Variants in C12orf50 observed in about 807,000 individuals in gnomAD.
C12orf50 encodes the protein zinc finger CCCH-type containing 11D.
Under a neutral mutation model 61.6 loss-of-function variants are expected in C12orf50, and 35 were observed. The ratio of observed to expected loss-of-function variants is 0.57; its 90% CI spans 0.43 to 0.75. The LOEUF (loss-of-function observed/expected upper bound fraction) is 0.75, where lower values mean the gene tolerates loss of function less well. C12orf50 is among the 30% of genes least tolerant of loss of function. The pLI is 0.00. For missense variants in C12orf50, 475 were observed against 488.5 expected, an observed-to-expected ratio of 0.97 and a Z score of 0.26; for synonymous variants, 178 against 161.5, an observed-to-expected ratio of 1.10 and a Z score of -0.77.
intron 10 of C12orf50, 37 bp from the exon 11 acceptor site, chr12:87,986,090 A>G: frequency 6.3e-7 from 1 of 1,596,286 alleles, no homozygotes; most frequent in African/African-American, 1.3e-5. Flanking sequence ...GGAATAAAAC[A>G]GGCTGGTTTC....
chr12:88,007,002 T>G (rs1282855335), intron 3 of C12orf50, among the ~76,000 whole-genome samples: 1 of 152,218 alleles, frequency 6.6e-6, no homozygotes, highest in East Asian at 1.9e-4. Context: ...TTCTTAACAC[T>G]TGGAAACATT....
intron 3 of C12orf50, among the ~76,000 whole-genome samples, chr12:88,023,975 C>T (rs376241728): frequency 4.9e-4 from 74 of 152,218 alleles, no homozygotes; most frequent in African/African-American, 1.7e-3. Flanking sequence ...GGGAAAAGCA[C>T]GTGAACGCTT....
chr12:87,984,295 T>A (rs771813239), intron 11 of C12orf50: 10 of 152,220 alleles, frequency 6.6e-5, no homozygotes, highest in Non-Finnish European at 1.3e-4. Context: ...TATTAGCCCT[T>A]TGTCAGATGA....
intron 3 of C12orf50, among the ~76,000 whole-genome samples, chr12:88,019,315 G>A (rs549435079): frequency 2.0e-5 from 3 of 152,140 alleles, no homozygotes; most frequent in South Asian, 4.1e-4. Flanking sequence ...CATGTAAGAC[G>A]TGACTTTCTC....
At chr12:88,026,892 T>G (rs1263765446) in intron 2 of C12orf50, 59 bp downstream of exon 2, 1 of 1,573,800 alleles carries the variant, frequency 6.4e-7, no homozygotes, top group African/African-American at 1.4e-5. Context: ...AAAAGTATAA[T>G]TCAGCATTAT....
intron 3 of C12orf50, among the ~76,000 whole-genome samples, chr12:88,024,720 A>C (rs954576235): frequency 1.3e-5 from 2 of 152,182 alleles, no homozygotes; most frequent in Admixed American, 6.5e-5. Context: ...TCTCCATGAC[A>C]CACAGTTTAC....
chr12:88,000,345 T>A (rs1390074114), intron 3 of C12orf50, among the ~76,000 whole-genome samples: 1 of 152,142 alleles, frequency 6.6e-6, no homozygotes, highest in Non-Finnish European at 1.5e-5. Context: ...ATAAACTGAT[T>A]GATATAAAAG....
At chr12:88,002,235 T>G (rs191034755) in intron 3 of C12orf50, among the ~76,000 whole-genome samples, 9 of 151,940 alleles carry the variant, frequency 5.9e-5, no homozygotes, top group Non-Finnish European at 1.5e-5. Flanking sequence ...CCCTTGTAAT[T>G]TTCTTGTGAT....
chr12:88,010,731 A>G (rs2136463400), intron 3 of C12orf50, among the ~76,000 whole-genome samples: 1 of 152,040 alleles, frequency 6.6e-6, no homozygotes, highest in Middle Eastern at 3.4e-3. Flanking sequence ...TATCAGAAGG[A>G]GAAAGAGATA....
chr12:87,984,498 C>T (rs1230218064), intron 11 of C12orf50: 1 of 152,140 alleles, frequency 6.6e-6, no homozygotes, highest in Non-Finnish European at 1.5e-5. Context: ...CAGCCCAAGT[C>T]CCATGTCCTT....
intron 1 of C12orf50, chr12:88,027,752 A>G (rs2032759064): frequency 6.6e-6 from 1 of 152,190 alleles, no homozygotes; most frequent in Admixed American, 6.5e-5. Context: ...GTTCTTTTAA[A>G]TGTAAATGCA....
intron 3 of C12orf50, among the ~76,000 whole-genome samples, chr12:88,019,898 GA>G (rs969636746): frequency 1.5e-4 from 23 of 151,574 alleles, no homozygotes; most frequent in African/African-American, 5.3e-4. Flanking sequence ...CATTCTTAGA[GA>G]AAAAAAAATT....
At chr12:88,029,724 A>G (rs926940470), upstream of C12orf50, among the ~76,000 whole-genome samples, 1 of 152,186 alleles carries the variant, frequency 6.6e-6, no homozygotes, top group Non-Finnish European at 1.5e-5. Flanking sequence ...AAAATTTGCC[A>G]TAGGTAAATG....
At chr12:87,991,989 G>T (rs2031146669) in intron 7 of C12orf50, among the ~76,000 whole-genome samples, 1 of 152,122 alleles carries the variant, frequency 6.6e-6, no homozygotes, top group South Asian at 2.1e-4. Context: ...GTCTAACAAT[G>T]GCAGTGCTCA....
At chr12:88,029,625 T>C (rs1294012448), upstream of C12orf50, among the ~76,000 whole-genome samples, 1 of 152,210 alleles carries the variant, frequency 6.6e-6, no homozygotes, top group Non-Finnish European at 1.5e-5. Flanking sequence ...AACTAGTTTA[T>C]ACTTTTATAA....
chr12:88,016,352 C>A (rs1014977413), intron 3 of C12orf50, among the ~76,000 whole-genome samples: 1 of 152,032 alleles, frequency 6.6e-6, no homozygotes, highest in Non-Finnish European at 1.5e-5. Flanking sequence ...AAAGGTATTA[C>A]TTTATAATTT....
chr12:87,985,507 G>T (rs922071659), intron 11 of C12orf50: 45 of 243,782 alleles, frequency 1.8e-4, no homozygotes, highest in African/African-American at 9.1e-4. Flanking sequence ...AGTGAAAATT[G>T]AACAATGCAG....
intron 3 of C12orf50, among the ~76,000 whole-genome samples, chr12:88,015,918 T>C (rs896717063): frequency 2.0e-5 from 3 of 152,076 alleles, no homozygotes; most frequent in Admixed American, 6.6e-5. Context: ...TAACTGGCAG[T>C]TTTATACCCC....
chr12:88,016,753 T>C (rs1331053917), intron 3 of C12orf50, among the ~76,000 whole-genome samples: 1 of 152,184 alleles, frequency 6.6e-6, no homozygotes, highest in African/African-American at 2.4e-5. Flanking sequence ...AAATAAAGAT[T>C]CTTGCTCTTA....
Sources: allele counts gnomAD v4.1 joint callset (sites outside exome capture counted in the v4.1 genomes callset), GRCh38; gene constraint gnomAD v4.1.1; transcripts MANE v1.5; gene names NCBI Gene and HGNC (gene_info 2026-07-23, HGNC 2026-07-21).